Variants in TFCP2 observed in about 807,000 individuals in gnomAD.
The protein encoded by TFCP2 is transcription factor CP2.
Under a neutral mutation model 73.4 loss-of-function variants are expected in TFCP2, and 33 were observed. That is an observed-to-expected ratio of 0.45 (90% CI 0.34 to 0.60). The LOEUF (loss-of-function observed/expected upper bound fraction) is 0.60. Among genes scored for constraint, TFCP2 ranks in the 20% least tolerant of loss-of-function variants. The pLI is 0.01. For missense variants in TFCP2, 352 were observed against 604.0 expected, an observed-to-expected ratio of 0.58 and a Z score of 4.37; for synonymous variants, 193 against 211.6, an observed-to-expected ratio of 0.91 and a Z score of 0.76.
At chr12:51,157,400 T>C (rs1300071922) in intron 1 of TFCP2, among the ~76,000 whole-genome samples, 1 of 152,096 alleles carries the variant, frequency 6.6e-6, no homozygotes, top group Non-Finnish European at 1.5e-5. Context: ...ACTGCAGCCT[T>C]GAATTCCTGG....
intron 1 of TFCP2, chr12:51,125,231 C>A (rs1183130878): frequency 3.3e-6 from 2 of 606,276 alleles, no homozygotes; most frequent in South Asian, 2.9e-5. Context: ...TTTCTGTACC[C>A]ATGGGATGAG....
intron 2 of TFCP2, among the ~76,000 whole-genome samples, chr12:51,118,339 G>A (rs897125723): frequency 2.0e-5 from 3 of 152,156 alleles, no homozygotes. Flanking sequence ...CGGATCATGA[G>A]GTCAGGAGAT....
chr12:51,142,379 G>A (rs191339381), intron 1 of TFCP2, among the ~76,000 whole-genome samples: 21 of 151,236 alleles, frequency 1.4e-4, no homozygotes, highest in African/African-American at 4.4e-4. Context: ...TCTTCTTTAC[G>A]GGTCTGCATG....
chr12:51,171,019 T>A (rs2029686), intron 1 of TFCP2, among the ~76,000 whole-genome samples: 61,208 of 151,962 alleles, frequency 0.4, 12,991 homozygotes, highest in African/African-American at 0.53. Flanking sequence ...TTCAGTGAGG[T>A]AAGTCTACTT....
intron 7 of TFCP2, chr12:51,106,988 A>T: frequency 3.5e-6 from 2 of 570,124 alleles, no homozygotes; most frequent in Non-Finnish European, 6.3e-6. Flanking sequence ...AGAACACCAC[A>T]ATAGCTCCTG....
Position 51,159,002 on chromosome 12 carries a change from A to G in TFCP2, c.122+13299T>C, listed in dbSNP as rs1450586106. ...CATGGTGAAACCCTCTCTCTACTAA[A>G]AATCCAAAAAAAAAAAAAAAAAAAA... On this transcript the variant is annotated intron_variant, in intron 1 of 14. Coordinates refer to ENST00000257915, the MANE Select transcript of TFCP2 (RefSeq NM_005653.5). Among the ~76,000 whole-genome samples, 5 of 34,958 alleles carry G rather than the reference A, an allele frequency of 1.4e-4. No individual in the cohort carries two copies. The Admixed American group carries it at 1.5e-3, about 11-fold the overall frequency. The allele number at this position is 34,958 out of a possible 152,430, so 22.9% of individuals were successfully genotyped here. A position where few individuals can be genotyped will look rare whatever the true frequency, so the allele number is the denominator to read the frequency against.
intron 1 of TFCP2, among the ~76,000 whole-genome samples, chr12:51,145,889 C>G (rs1941289517): frequency 6.6e-6 from 1 of 151,480 alleles, no homozygotes; most frequent in African/African-American, 2.4e-5. Flanking sequence ...GAGTTCGAGG[C>G]TGCAGTGAGC....
intron 1 of TFCP2, chr12:51,124,754 CT>C: frequency 9.4e-6 from 7 of 745,778 alleles, no homozygotes; most frequent in African/African-American, 1.7e-5. Context: ...TCACGGCTGC[CT>C]TTTTCTGCTG....
intron 1 of TFCP2, among the ~76,000 whole-genome samples, chr12:51,166,420 A>G (rs971435557): frequency 3.9e-5 from 6 of 152,144 alleles, no homozygotes; most frequent in Non-Finnish European, 1.5e-5. Context: ...AAGGAAAGAA[A>G]AAAAAGATGA....
chr12:51,157,681 C>CTT (rs770963610), intron 1 of TFCP2, among the ~76,000 whole-genome samples: 35,104 of 75,192 alleles, frequency 0.47, 10,430 homozygotes, highest in Non-Finnish European at 0.54. Context: ...TTTTTCTTTT[C>CTT]TTTTCTTTTT....
At chr12:51,102,192 G>A (rs533127478) in intron 10 of TFCP2, among the ~76,000 whole-genome samples, 167 bp from the exon 11 acceptor site, 23 of 152,090 alleles carry the variant, frequency 1.5e-4, no homozygotes, top group African/African-American at 5.3e-4. Context: ...CTCCTCTCCC[G>A]TCTCAATTCC....
intron 1 of TFCP2, among the ~76,000 whole-genome samples, chr12:51,129,560 G>A (rs990372949): frequency 7.9e-4 from 120 of 151,134 alleles, no homozygotes; most frequent in African/African-American, 2.6e-3. Context: ...ATAAGAATAA[G>A]TGAGGTGACC....
At chr12:51,145,939 G>A (rs1309241889) in intron 1 of TFCP2, among the ~76,000 whole-genome samples, 2 of 151,914 alleles carry the variant, frequency 1.3e-5, no homozygotes, top group East Asian at 1.9e-4. Flanking sequence ...GACAGAGCAA[G>A]ACCCTGTCCC....
chr12:51,136,924 G>A (rs778433120), intron 1 of TFCP2, among the ~76,000 whole-genome samples: 5 of 152,088 alleles, frequency 3.3e-5, no homozygotes, highest in Non-Finnish European at 7.4e-5. Flanking sequence ...CAGCCCGGAC[G>A]ACAGAGGAGA....
chr12:51,149,260 G>A (rs1941369557), intron 1 of TFCP2, among the ~76,000 whole-genome samples: 1 of 151,930 alleles, frequency 6.6e-6, no homozygotes, highest in Admixed American at 6.6e-5. Context: ...TGGACTTTGG[G>A]GACTCAAGGG....
At chr12:51,163,901 A>G (rs1226085976) in intron 1 of TFCP2, among the ~76,000 whole-genome samples, 1 of 152,068 alleles carries the variant, frequency 6.6e-6, no homozygotes, top group African/African-American at 2.4e-5. Flanking sequence ...AGCAGAGATA[A>G]GTGAAATAAA....
intron 1 of TFCP2, among the ~76,000 whole-genome samples, chr12:51,124,090 C>G (rs1011696183): frequency 8.0e-6 from 1 of 124,740 alleles, no homozygotes; most frequent in Admixed American, 9.4e-5. Context: ...AACCAACCAG[C>G]TACTTTTCTT....
intron 1 of TFCP2, among the ~76,000 whole-genome samples, chr12:51,119,818 C>T (rs1196828246): frequency 3.9e-5 from 6 of 151,966 alleles, no homozygotes; most frequent in African/African-American, 1.5e-4. Flanking sequence ...AGCAATTCCA[C>T]CCATTGGTAC....
intron 2 of TFCP2, among the ~76,000 whole-genome samples, chr12:51,118,365 T>C (rs1940583257): frequency 6.6e-6 from 1 of 152,106 alleles, no homozygotes; most frequent in Non-Finnish European, 1.5e-5. Flanking sequence ...CCATCCTGGC[T>C]AACACGATGA....
Sources: allele counts gnomAD v4.1 joint callset (sites outside exome capture counted in the v4.1 genomes callset), GRCh38; gene constraint gnomAD v4.1.1; transcripts MANE v1.5; gene names NCBI Gene and HGNC (gene_info 2026-07-23, HGNC 2026-07-21).